The following SORBS2 variants were observed in gnomAD, a reference collection of about 807,000 sequenced individuals.
SORBS2 encodes sorbin and SH3 domain containing 2.
SORBS2 carries 46 observed loss-of-function variants against 97.7 expected under a neutral mutation model. The observed-to-expected ratio is 0.47, with a 90% CI of 0.37 to 0.60. SORBS2 has a LOEUF of 0.60. SORBS2 is among the 20% of genes least tolerant of loss of function. The probability of loss-of-function intolerance (pLI) is 0.00; values close to 1 mark genes in which losing one functional copy is unlikely to be tolerated. For missense variants in SORBS2, 1,316 were observed against 1,282.3 expected (o/e 1.03, Z -0.40); for synonymous variants, 476 against 473.4 (o/e 1.01, Z -0.07).
intron 1 of SORBS2, among the ~76,000 whole-genome samples, chr4:185,905,703 A>G (rs2099250372): frequency 6.6e-6 from 1 of 152,022 alleles, no homozygotes; most frequent in African/African-American, 2.4e-5. Flanking sequence ...GCCTCAAGCA[A>G]TCCTCCCACC....
intron 2 of SORBS2, among the ~76,000 whole-genome samples, chr4:185,767,479 G>A (rs1440359144): frequency 1.6e-5 from 2 of 122,346 alleles, no homozygotes; most frequent in Non-Finnish European, 3.2e-5. Flanking sequence ...CAGCCTGGGC[G>A]ACAGAGTGAG....
intron 5 of SORBS2, 52 bp from the exon 18 acceptor site, chr4:185,627,071 T>G: frequency 6.4e-7 from 1 of 1,561,948 alleles, no homozygotes; most frequent in Non-Finnish European, 8.8e-7. Context: ...GGTTCGGGTG[T>G]GCACCAGAAA....
chr4:185,764,804 TA>T (rs1201591698), intron 2 of SORBS2, among the ~76,000 whole-genome samples: 4 of 152,196 alleles, frequency 2.6e-5, no homozygotes, highest in Non-Finnish European at 5.9e-5. Context: ...ACCCATCATT[TA>T]TCTTAAAATA....
rs190026453 is a variant in SORBS2, at chr4:185,795,317, C to A, written c.-337-19951G>T. On this transcript the variant is annotated intron_variant, in intron 1 of 20. Transcript: ENST00000284776. ...CAAAAATAGAAGAAAGAGGTCGGGG[C>A]AGCTTCGGCAATTCCTTCCTCTCTC... Among the ~76,000 whole-genome samples, 59 of 152,296 alleles carry A rather than the reference C, an allele frequency of 3.9e-4. No homozygotes were observed. The East Asian group carries it at 9.9e-3, about 25-fold the overall frequency.
intron 1 of SORBS2, among the ~76,000 whole-genome samples, chr4:185,891,287 A>G (rs1255625319): frequency 1.3e-5 from 2 of 152,334 alleles, no homozygotes; most frequent in Middle Eastern, 3.4e-3. Flanking sequence ...GCAGTGAAAG[A>G]GAACGTATCT....
chr4:185,652,830 C>T (rs2097336696), intron 1 of SORBS2, 102 bp from the exon 10 acceptor site: 5 of 868,718 alleles, frequency 5.8e-6, no homozygotes, highest in Non-Finnish European at 9.6e-6. Context: ...AACAGAGTCC[C>T]ATTCTGTGAT....
intron 1 of SORBS2, among the ~76,000 whole-genome samples, chr4:185,844,175 A>G (rs1031116751): frequency 1.3e-5 from 2 of 152,220 alleles, no homozygotes; most frequent in African/African-American, 4.8e-5. Context: ...GAACACTGAT[A>G]AATACACTGG....
At position 185,638,916 on chromosome 4, in the gene SORBS2, G is replaced by A. The variant is rs1346647737; in HGVS notation, c.396+7752C>T. The A allele has an allele frequency of 6.0e-6, 9 of 1,501,818 alleles. No homozygotes were observed. The East Asian group carries it at 8.2e-5, about 14-fold the overall frequency. The allele number at this position is 1,501,818 out of a possible 1,614,324, so 93.0% of individuals were successfully genotyped here. ...GAGCCGGGGCGCGCGAGCTTGGTGT[G>A]GGGGCGCCACTCCGGGGCGGAGGGG... On this transcript the variant is annotated intron_variant, in intron 4 of 14. Transcript: ENST00000418609.
chr4:185,640,736 C>T (rs534791320), intron 4 of SORBS2, among the ~76,000 whole-genome samples: 38 of 152,124 alleles, frequency 2.5e-4, no homozygotes, highest in Admixed American at 1.0e-3. Context: ...CATAATTGTT[C>T]GTGAAATGGC....
At chr4:185,815,451 G>A (rs2099192723) in intron 1 of SORBS2, among the ~76,000 whole-genome samples, 2 of 151,966 alleles carry the variant, frequency 1.3e-5, no homozygotes, top group Non-Finnish European at 1.5e-5. Flanking sequence ...TAGTTGTTTT[G>A]GTTTTTATTA....
intron 12 of SORBS2, among the ~76,000 whole-genome samples, chr4:185,599,657 G>A (rs977108447): frequency 5.9e-5 from 9 of 152,282 alleles, no homozygotes; most frequent in South Asian, 4.1e-4. Context: ...CAGGAGAAAC[G>A]GTGACTAGAA....
At chr4:185,719,910 C>T (rs1375942687) in intron 2 of SORBS2, among the ~76,000 whole-genome samples, 1 of 152,212 alleles carries the variant, frequency 6.6e-6, no homozygotes, top group Non-Finnish European at 1.5e-5. Context: ...TTTAGCCAGG[C>T]TAAGATTACA....
chr4:185,714,477 C>T (rs1269830141), intron 2 of SORBS2, among the ~76,000 whole-genome samples: 1 of 151,592 alleles, frequency 6.6e-6, no homozygotes, highest in Non-Finnish European at 1.5e-5. Flanking sequence ...CTCATCAACA[C>T]AGAAAACCTA....
In SORBS2 at chr4:185,611,854, C is replaced by A. The variant is rs1210043969; in HGVS notation, c.2722G>T (p.Ala908Ser). Residue 908 changes from alanine to serine, a missense_variant, in exon 12 of 15, where the codon GCT becomes TCT. By Grantham distance (99) the Ala-to-Ser change is moderately conservative. Coordinates refer to ENST00000418609, the Ensembl canonical transcript of SORBS2. Reference sequence around the variant, plus strand: ...ATTGGAGGGTCAGGGTAGTCCTCAGCACCTTTTGTGTTCTTCTTGACGACC... The same window carrying A: ...ATTGGAGGGTCAGGGTAGTCCTCAGAACCTTTTGTGTTCTTCTTGACGACC... The A allele has an allele frequency of 1.9e-6, 3 of 1,614,058 alleles. No individual in the cohort carries two copies. In the South Asian group the frequency reaches 3.3e-5, roughly 18 times the overall value.
chr4:185,800,025 C>T (rs1038963833), intron 1 of SORBS2, among the ~76,000 whole-genome samples: 11 of 152,088 alleles, frequency 7.2e-5, no homozygotes, highest in East Asian at 1.9e-4. Context: ...TGGTGAAACC[C>T]GTCTCTGCTA....
intron 1 of SORBS2, among the ~76,000 whole-genome samples, chr4:185,930,354 G>A (rs551425578): frequency 6.6e-6 from 1 of 152,196 alleles, no homozygotes; most frequent in South Asian, 2.1e-4. Flanking sequence ...GAGTGCAGTG[G>A]TGCGATCTCG....
At chr4:185,778,419 T>G (rs1372648583) in intron 1 of SORBS2, among the ~76,000 whole-genome samples, 1 of 149,880 alleles carries the variant, frequency 6.7e-6, no homozygotes, top group Non-Finnish European at 1.5e-5. Flanking sequence ...GGACCAACAT[T>G]AACGTCATCA....
At chr4:185,748,002 A>C (rs960670916) in intron 2 of SORBS2, among the ~76,000 whole-genome samples, 2 of 151,962 alleles carry the variant, frequency 1.3e-5, no homozygotes, top group African/African-American at 4.8e-5. Flanking sequence ...AAAAAAAAAC[A>C]AGGTCTTTGC....
chr4:185,857,551 G>C (rs1040957408), intron 1 of SORBS2, among the ~76,000 whole-genome samples: 1 of 152,168 alleles, frequency 6.6e-6, no homozygotes. Context: ...GATTTTCAGG[G>C]AACAAGGAAA....
Sources: gnomAD v4.1 joint callset for allele counts (sites outside exome capture counted in the v4.1 genomes callset) on GRCh38, gnomAD v4.1.1 for gene constraint, MANE v1.5 for transcripts, NCBI Gene and HGNC (gene_info 2026-07-23, HGNC 2026-07-21) for gene names.